The following IKZF1 variants were observed in gnomAD, a reference collection of about 807,000 sequenced individuals.
The protein encoded by IKZF1 is IKAROS family zinc finger 1.
IKZF1 carries 10 observed loss-of-function variants against 51.7 expected under a neutral mutation model. That is an observed-to-expected ratio of 0.19 (90% CI 0.12 to 0.33). IKZF1 has a LOEUF of 0.33. Ranked by LOEUF, IKZF1 falls within the 10% of genes least tolerant of loss-of-function variation. The pLI, the probability that IKZF1 is intolerant of heterozygous loss-of-function variation, is 1.00. For missense variants in IKZF1, 484 were observed against 707.5 expected (o/e 0.68, Z 3.58); for synonymous variants, 280 against 282.3 (o/e 0.99, Z 0.08).
rs1253981454 is a variant in IKZF1 at position 50,379,351 on chromosome 7, T to C, written c.421+2558T>C. Among the ~76,000 whole-genome samples the C allele has an allele frequency of 2.6e-5, 4 of 152,320 alleles. No individual in the cohort carries two copies. The East Asian group carries it at 7.7e-4, about 29-fold the overall frequency. On this transcript the variant is annotated intron_variant, in intron 4 of 7. Coordinates refer to ENST00000331340, the MANE Select transcript of IKZF1 (RefSeq NM_006060.6). ...GTCAGCTTCTCAGTCCCTTCCAGGA[T>C]ACACTGAGAGGATTCAGGGGCGGTC...
intron 3 of IKZF1, among the ~76,000 whole-genome samples, chr7:50,359,508 C>T (rs1194582193): frequency 6.6e-6 from 1 of 152,218 alleles, no homozygotes; most frequent in Non-Finnish European, 1.5e-5. Flanking sequence ...GCCTATTTGG[C>T]CGCACCACTG....
chr7:50,336,245 G>A (rs1248982812), intron 3 of IKZF1, among the ~76,000 whole-genome samples: 4 of 152,152 alleles, frequency 2.6e-5, no homozygotes, highest in Non-Finnish European at 4.4e-5. Flanking sequence ...AGCCCTGCCT[G>A]GCCCCGGCGG....
intron 3 of IKZF1, among the ~76,000 whole-genome samples, chr7:50,341,517 G>A (rs1313563567): frequency 1.3e-5 from 2 of 152,092 alleles, no homozygotes; most frequent in African/African-American, 2.4e-5. Flanking sequence ...ACGCAACAAC[G>A]TTGAACAGTC....
chr7:50,359,378 C>T (rs550331457), intron 3 of IKZF1, among the ~76,000 whole-genome samples: 1 of 152,364 alleles, frequency 6.6e-6, no homozygotes, highest in African/African-American at 2.4e-5. Flanking sequence ...ATCCTGACTT[C>T]TGAGTCTTGT....
At chr7:50,364,246 C>G (rs1806139013) in intron 3 of IKZF1, among the ~76,000 whole-genome samples, 2 of 152,134 alleles carry the variant, frequency 1.3e-5, no homozygotes, top group Admixed American at 1.3e-4. Flanking sequence ...TAAATGCAAA[C>G]TGAAAAGTGT....
intron 1 of IKZF1, among the ~76,000 whole-genome samples, chr7:50,312,563 C>G (rs1000804269): frequency 5.9e-5 from 9 of 152,234 alleles, no homozygotes; most frequent in African/African-American, 1.9e-4. Context: ...TTATACCTCA[C>G]TTTGAAACAG....
At chr7:50,352,130 T>C (rs1200067495) in intron 3 of IKZF1, among the ~76,000 whole-genome samples, 1 of 152,224 alleles carries the variant, frequency 6.6e-6, no homozygotes, top group Non-Finnish European at 1.5e-5. Context: ...CAGTCCAGAT[T>C]TCAACTGTGT....
At chr7:50,357,139 A>G (rs906170080) in intron 3 of IKZF1, among the ~76,000 whole-genome samples, 7 of 151,810 alleles carry the variant, frequency 4.6e-5, no homozygotes, top group African/African-American at 1.5e-4. Context: ...GTGGAGTGTT[A>G]TAACCGACTC....
At chr7:50,336,955 G>T (rs1008207022) in intron 3 of IKZF1, among the ~76,000 whole-genome samples, 1 of 151,820 alleles carries the variant, frequency 6.6e-6, no homozygotes, top group Admixed American at 6.6e-5. Context: ...GAAGGAGACA[G>T]AGTGAGTTGT....
rs1817981008 is a variant in IKZF1, at chr7:50,400,779, G to A, written c.*152G>A. 2 of 977,460 alleles carry A rather than the reference G, an allele frequency of 2.0e-6. No homozygotes were observed. Among genetic ancestry groups the A allele is most frequent in the South Asian group, 1.7e-5 (1 of 59,664 alleles). 60.5% of individuals were successfully genotyped at this position (977,460 alleles called of 1,614,324 possible). ...CTGTTTTTTGTTTTTTGTTTGAGTT[G>A]GTTGATTGGGGTTTGATTTGCTTTT... On this transcript the variant is annotated 3_prime_UTR_variant, in exon 8 of 8. Coordinates refer to ENST00000331340, the MANE Select transcript of IKZF1 (RefSeq NM_006060.6). This position sits in a 1 kb window ranked among gnomAD's most constrained non-coding sequence, Gnocchi z 5.4.
chr7:50,344,554 T>G (rs369011126), intron 3 of IKZF1, among the ~76,000 whole-genome samples: 1 of 152,256 alleles, frequency 6.6e-6, no homozygotes, highest in Non-Finnish European at 1.5e-5. Flanking sequence ...TCTAGAATTA[T>G]TCCACTCCTC....
chr7:50,311,919 G>A (rs1584381865), intron 1 of IKZF1, among the ~76,000 whole-genome samples: 1 of 152,106 alleles, frequency 6.6e-6, no homozygotes, highest in Non-Finnish European at 1.5e-5. Context: ...GAACACAGCA[G>A]TTCCTGGGGT....
At chr7:50,326,278 C>T (rs1794988874) in intron 2 of IKZF1, among the ~76,000 whole-genome samples, 1 of 152,230 alleles carries the variant, frequency 6.6e-6, no homozygotes, top group Admixed American at 6.5e-5. Flanking sequence ...TGCACACACT[C>T]TCAAAAATCT....
chr7:50,385,895 C>A (rs1381175165), intron 5 of IKZF1, among the ~76,000 whole-genome samples: 5 of 152,194 alleles, frequency 3.3e-5, no homozygotes, highest in Non-Finnish European at 7.4e-5. Context: ...TTTTCATTCT[C>A]TATTAAATGG....
intron 3 of IKZF1, among the ~76,000 whole-genome samples, chr7:50,339,517 G>A (rs1235366871): frequency 3.9e-5 from 6 of 151,992 alleles, no homozygotes; most frequent in Non-Finnish European, 5.9e-5. Context: ...TTGGGAGGCC[G>A]AGGCAGGCAG....
At position 50,403,339 on chromosome 7, in the gene IKZF1, C is replaced by T. The variant is rs1303029028; in HGVS notation, c.*2712C>T. 5 of 221,444 alleles carry T rather than the reference C, an allele frequency of 2.3e-5. No homozygotes were observed. Among genetic ancestry groups the T allele is most frequent in the Admixed American group, 5.8e-5 (1 of 17,354 alleles). 13.7% of individuals were successfully genotyped at this position (221,444 alleles called of 1,614,324 possible). ...TTTGCATGACTTCACACTTTTTTTG[C>T]GTAGTTTCTTCTGTTGTATGATGGC... is the stretch of plus-strand genomic sequence containing the variant. On this transcript the variant is annotated 3_prime_UTR_variant, in exon 8 of 8. Transcript: ENST00000331340.
chr7:50,305,401 A>G (rs1262936161), intron 1 of IKZF1, among the ~76,000 whole-genome samples: 1 of 152,210 alleles, frequency 6.6e-6, no homozygotes, highest in African/African-American at 2.4e-5. Flanking sequence ...CGCTCAAGTC[A>G]CCAAACCTTC....
intron 3 of IKZF1, among the ~76,000 whole-genome samples, chr7:50,372,691 G>A (rs1303426023): frequency 6.6e-6 from 1 of 152,122 alleles, no homozygotes; most frequent in African/African-American, 2.4e-5. Context: ...CCCTACTGCT[G>A]TTCCTACAGA....
chr7:50,325,922 T>C (rs561691800), intron 2 of IKZF1, among the ~76,000 whole-genome samples: 2 of 152,358 alleles, frequency 1.3e-5, no homozygotes, highest in East Asian at 3.9e-4. Flanking sequence ...TCCTGCTCCG[T>C]CTTTAACTAT....
Sources: allele counts gnomAD v4.1 joint callset (sites outside exome capture counted in the v4.1 genomes callset), GRCh38; gene constraint gnomAD v4.1.1; non-coding constraint Gnocchi (gnomAD v3.1); transcripts MANE v1.5; gene names NCBI Gene and HGNC (gene_info 2026-07-23, HGNC 2026-07-21).